Variants in SLC26A9 observed in about 807,000 individuals in gnomAD.
SLC26A9 encodes solute carrier family 26 member 9.
Under a neutral mutation model 87.1 loss-of-function variants are expected in SLC26A9, and 46 were observed. The ratio of observed to expected loss-of-function variants is 0.53; its 90% CI spans 0.42 to 0.67. SLC26A9 has a LOEUF of 0.67. Among genes scored for constraint, SLC26A9 ranks in the 30% least tolerant of loss-of-function variants. SLC26A9 has a pLI of 0.00. For missense variants in SLC26A9, 927 were observed against 1,018.3 expected (o/e 0.91, Z 1.22); for synonymous variants, 437 against 409.1 (o/e 1.07, Z -0.82).
At position 205,935,726 on chromosome 1, in the gene SLC26A9, G is replaced by T; in HGVS notation, c.95C>A (p.Pro32Gln). The T allele has an allele frequency of 1.1e-5, 17 of 1,614,092 alleles. No individual in the cohort carries two copies. The highest frequency in any genetic ancestry group is 1.4e-5 in the Non-Finnish European group (17 of 1,179,966). ...GGCATTGCGAAGTTTCTCTCCCACT[G>T]GGTATGTCCGGTCCTTCTTCTCAAA... ...DEFEKKDRTY[P>Q]VGEKLRNAFR... Residue 32 changes from proline to glutamine, a missense_variant, in exon 2 of 21, where the codon CCA becomes CAA. Physicochemically the swap from Pro to Gln is moderately conservative, Grantham distance 76. Coordinates refer to ENST00000367135, the MANE Select transcript of SLC26A9 (RefSeq NM_052934.4).
chr1:205,923,039 G>C lies in SLC26A9; in HGVS notation c.1773+43C>G. 4 of 1,575,804 alleles carry C rather than the reference G, an allele frequency of 2.5e-6. No individual in the cohort carries two copies. In the South Asian group the frequency reaches 3.3e-5, roughly 13 times the overall value. On this transcript the variant is annotated intron_variant, in intron 16 of 20. Coordinates refer to ENST00000367135, the MANE Select transcript of SLC26A9 (RefSeq NM_052934.4). ...AGTAACAGGGGGCAGTATCAGAATG[G>C]GCAGGAGAGCAGGGCACGGGGCTGC...
chr1:205,929,088 C>T, intron 7 of SLC26A9, 116 bp downstream of exon 7: 1 of 1,514,844 alleles, frequency 6.6e-7, no homozygotes, highest in Non-Finnish European at 9.0e-7. Context: ...GATGGATTCA[C>T]AACTGACTTC....
intron 20 of SLC26A9, among the ~76,000 whole-genome samples, chr1:205,915,729 G>A (rs143650848): frequency 6.6e-6 from 1 of 152,296 alleles, no homozygotes; most frequent in Non-Finnish European, 1.5e-5. Flanking sequence ...AGGGTTGGCA[G>A]TAGACAAGCT....
rs771974472 is a variant in SLC26A9, at chr1:205,932,421, T to TA, written c.376+280dup. ...TAGATGGTGATTTCTCACATCTGTT[T>TA]AAGCATGTTATAGCATATGGTATAT... On this transcript the variant is annotated intron_variant, in intron 4 of 20. Coordinates refer to ENST00000367135, the MANE Select transcript of SLC26A9 (RefSeq NM_052934.4). Among the ~76,000 whole-genome samples, 16 of 152,238 alleles carry TA rather than the reference T, an allele frequency of 1.1e-4. 1 individual carries two copies. Among genetic ancestry groups the TA allele is most frequent in the South Asian group, 4.1e-4 (2 of 4,830 alleles).
chr1:205,915,026 C>T lies in SLC26A9; in HGVS notation c.*331G>A, dbSNP rs370874983. The T allele has an allele frequency of 6.8e-6, 11 of 1,614,058 alleles. No homozygotes were observed. Among genetic ancestry groups the T allele is most frequent in the Non-Finnish European group, 8.5e-7 (1 of 1,180,044 alleles). On this transcript the variant is annotated 3_prime_UTR_variant, in exon 21 of 21. Transcript: ENST00000367135. ...TGGCTCACTCGTAAAAGCTGGAAGT[C>T]AAGGTGTCCTTCAGCTGCCAAGGAC...
chr1:205,917,456 G>C, intron 19 of SLC26A9, 102 bp from the exon 20 acceptor site: 1 of 1,105,874 alleles, frequency 9.0e-7, no homozygotes, highest in South Asian at 1.3e-5. Flanking sequence ...CTGGTTGGAC[G>C]CTGCTTCCTG....
chr1:205,923,563 T>C lies in SLC26A9; in HGVS notation c.1547A>G (p.Asn516Ser). The C allele has an allele frequency of 1.9e-6, 3 of 1,614,218 alleles. No individual in the cohort carries two copies. Among genetic ancestry groups the C allele is most frequent in the Non-Finnish European group, 2.5e-6 (3 of 1,180,028 alleles). ...AQVMDTDIYV[N>S]PKTYNRAQDI... ...ACCTACCCTATTATAGGTCTTGGGA[T>C]TCACATAAATGTCAGTGTCCATGAC... The change falls in exon 14 of 21, where the codon AAT becomes AGT. Residue 516 changes from asparagine (N) to serine (S), a missense_variant. Coordinates refer to ENST00000367135, the MANE Select transcript of SLC26A9 (RefSeq NM_052934.4).
Position 205,932,152 on chromosome 1 carries a change from G to T in SLC26A9, c.377-117C>A, listed in dbSNP as rs542974998. The T allele has an allele frequency of 3.3e-5, 40 of 1,219,360 alleles. No homozygotes were observed. The African/African-American group carries it at 5.3e-4, about 16-fold the overall frequency. 75.5% of individuals were successfully genotyped at this position (1,219,360 alleles called of 1,614,324 possible). ...GGGGATGGATCCCTGCACCTCCAAG[G>T]CTCTTCTCCAACACAATAATAACAA... On this transcript the variant is annotated intron_variant, in intron 4 of 20. Transcript: ENST00000367135.
rs201590670 is a variant in SLC26A9, at chr1:205,930,067, G to A, written c.553-11C>T. On this transcript the variant is annotated splice_polypyrimidine_tract_variant and intron_variant, in intron 5 of 20. Transcript: ENST00000367135. Reference sequence around the variant, plus strand: ...GAAGCCCAGACCCATCTGAGAGGAGGAAAAGGGTGGTTGGTGGCGGAAGAC... The same window carrying A: ...GAAGCCCAGACCCATCTGAGAGGAGAAAAAGGGTGGTTGGTGGCGGAAGAC... 67 of 1,585,816 alleles carry A rather than the reference G, an allele frequency of 4.2e-5. No individual in the cohort carries two copies. The highest frequency in any genetic ancestry group is 3.2e-4 in the Admixed American group (19 of 58,740).
intron 8 of SLC26A9, chr1:205,928,346 T>C: frequency 2.2e-6 from 1 of 453,784 alleles, no homozygotes. Context: ...TGCTCACGAG[T>C]CCACAGACCC....
In SLC26A9 at chr1:205,914,219, G is replaced by A. The variant is rs1658483109; in HGVS notation, c.*1138C>T. ...CCCTTTCCACATCTGCATGCAGTTA[G>A]GGGATGTAGCGGATCCCTGGAGGAC... On this transcript the variant is annotated 3_prime_UTR_variant, in exon 21 of 21. Coordinates refer to ENST00000367135, the MANE Select transcript of SLC26A9 (RefSeq NM_052934.4). The A allele has an allele frequency of 6.6e-6, 1 of 152,384 alleles. No homozygotes were observed. Among genetic ancestry groups the A allele is most frequent in the Non-Finnish European group, 1.5e-5 (1 of 68,198 alleles). 9.4% of individuals were successfully genotyped at this position (152,384 alleles called of 1,614,324 possible). A position where few individuals can be genotyped will look rare whatever the true frequency, so the allele number is the denominator to read the frequency against.
chr1:205,920,265 A>G, intron 17 of SLC26A9, 35 bp from the exon 18 acceptor site: 1 of 1,613,406 alleles, frequency 6.2e-7, no homozygotes, highest in Non-Finnish European at 8.5e-7. Context: ...GGCAAAAGGA[A>G]AGGAATGTTC....
intron 13 of SLC26A9, 74 bp downstream of exon 13, chr1:205,924,309 G>A (rs1406143989): frequency 2.8e-5 from 39 of 1,396,240 alleles, no homozygotes; most frequent in Admixed American, 1.2e-4. Context: ...AAGCCAGGCC[G>A]TGGCATGGAA....
Position 205,926,781 on chromosome 1 carries a change from G to T in SLC26A9, c.1294-151C>A, listed in dbSNP as rs562533623. The T allele has an allele frequency of 2.0e-5, 14 of 685,422 alleles. No individual in the cohort carries two copies. The East Asian group carries it at 3.8e-4, about 19-fold the overall frequency. The allele number at this position is 685,422 out of a possible 1,614,324, so 42.5% of individuals were successfully genotyped here. ...CCCCAAATCTCTGCATTCGACCTTA[G>T]GTTTGGAAAGTGCTGGCGTTAGAGC... On this transcript the variant is annotated intron_variant, in intron 11 of 20. Transcript: ENST00000367135.
rs895673693 is a variant in SLC26A9 at position 205,923,189 on chromosome 1, T to A, written c.1666A>T (p.Met556Leu). The change falls in exon 16 of 21, where the codon ATG (methionine) becomes TTG (leucine). Residue 556 changes from methionine (M) to leucine (L), a missense_variant. By Grantham distance (15) the Met-to-Leu change is conservative. Transcript: ENST00000367135. ...FRQKVIAKTG[M>L]DPQKVLLAKQ... is the part of the protein sequence containing the mutation. ...GCTAGTAATACTTTCTGGGGGTCCA[T>A]GCCTGTCTGCAGGGAGAGAGCCAAC... 1 of 1,614,178 alleles carries A rather than the reference T, an allele frequency of 6.2e-7. No homozygotes were observed. Among genetic ancestry groups the A allele is most frequent in the South Asian group, 1.1e-5 (1 of 91,074 alleles).
chr1:205,937,108 C>G (rs1659537258), intron 1 of SLC26A9, among the ~76,000 whole-genome samples: 1 of 152,162 alleles, frequency 6.6e-6, no homozygotes, highest in Non-Finnish European at 1.5e-5. Flanking sequence ...ATGTGAGTTT[C>G]TATTATGAAT....
chr1:205,932,790 G>T lies in SLC26A9; in HGVS notation c.288C>A (p.Ala96=). The change falls in exon 4 of 21, where the codon GCC becomes GCA. Residue 96 remains alanine (A), a synonymous_variant. Transcript: ENST00000367135. ...VPQGMAFALL[A]NLPAVNGLYS... ...AGAGGCCATTGACTGCAGGAAGGTT[G>T]GCCAGCAGAGCAAATGCCATGCCTG... 6.3e-7 allele frequency: 1 copy of T among 1,598,428 alleles called. No homozygotes were observed. Among genetic ancestry groups the T allele is most frequent in the Non-Finnish European group, 8.5e-7 (1 of 1,172,690 alleles).
chr1:205,928,092 T>TG, intron 8 of SLC26A9, 43 bp from the exon 9 acceptor site: 1 of 1,595,874 alleles, frequency 6.3e-7, no homozygotes, highest in Non-Finnish European at 8.5e-7. Flanking sequence ...AGGGTGTGAG[T>TG]GGGGAGGGCA....
chr1:205,939,427 T>C (rs1379380621), intron 1 of SLC26A9, among the ~76,000 whole-genome samples: 3 of 152,116 alleles, frequency 2.0e-5, no homozygotes, highest in African/African-American at 7.2e-5. Flanking sequence ...TCTGGTTCCC[T>C]CCTGGCCTTG....
Sources: allele counts gnomAD v4.1 joint callset (sites outside exome capture counted in the v4.1 genomes callset), GRCh38; gene constraint gnomAD v4.1.1; transcripts MANE v1.5; gene names NCBI Gene and HGNC (gene_info 2026-07-23, HGNC 2026-07-21).